The following ROBO2 variants were observed in gnomAD, a reference collection of about 807,000 sequenced individuals.
ROBO2 encodes roundabout guidance receptor 2.
Under a neutral mutation model 160.8 loss-of-function variants are expected in ROBO2, and 53 were observed. The ratio of observed to expected loss-of-function variants is 0.33; its 90% CI spans 0.26 to 0.41. The LOEUF (loss-of-function observed/expected upper bound fraction) is 0.41. ROBO2 is among the 10% of genes least tolerant of loss of function. The probability of loss-of-function intolerance (pLI) is 1.00; values close to 1 mark genes in which losing one functional copy is unlikely to be tolerated. For missense variants in ROBO2, 1,577 were observed against 1,722.4 expected (o/e 0.92, Z 1.49); for synonymous variants, 664 against 611.7 (o/e 1.09, Z -1.26).
chr3:76,552,989 C>A (rs139163509), intron 2 of ROBO2, among the ~76,000 whole-genome samples: 2 of 152,076 alleles, frequency 1.3e-5, no homozygotes, highest in Admixed American at 1.3e-4. Context: ...TCATTCCAGA[C>A]GCCCTGAATA....
chr3:75,923,104 T>A (rs1947137892), intron 1 of ROBO2, among the ~76,000 whole-genome samples: 1 of 152,246 alleles, frequency 6.6e-6, no homozygotes, highest in Admixed American at 6.5e-5. Context: ...AATGCTTTTT[T>A]AAGTAGTTCC....
chr3:76,998,334 A>C (rs1171675299), intron 2 of ROBO2, among the ~76,000 whole-genome samples: 2 of 152,146 alleles, frequency 1.3e-5, no homozygotes, highest in Non-Finnish European at 2.9e-5. Context: ...AGATTGTGTA[A>C]AACATTAACC....
intron 2 of ROBO2, among the ~76,000 whole-genome samples, chr3:76,961,681 TA>T (rs2079675292): frequency 6.6e-6 from 1 of 152,286 alleles, no homozygotes; most frequent in East Asian, 1.9e-4. Flanking sequence ...GTTTCTCATG[TA>T]AAAAACAGAA....
At chr3:76,782,620 C>T (rs1220215054) in intron 2 of ROBO2, among the ~76,000 whole-genome samples, 2 of 150,550 alleles carry the variant, frequency 1.3e-5, no homozygotes, top group Non-Finnish European at 3.0e-5. Context: ...TGACTTTGTT[C>T]TTTTGTAATA....
intron 2 of ROBO2, among the ~76,000 whole-genome samples, chr3:76,173,373 G>A (rs1022642618): frequency 6.6e-6 from 1 of 151,758 alleles, no homozygotes. Flanking sequence ...GAAGTTCTGG[G>A]ATACATGTGC....
At chr3:77,302,044 T>C (rs2153413463) in intron 2 of ROBO2, among the ~76,000 whole-genome samples, 1 of 152,072 alleles carries the variant, frequency 6.6e-6, no homozygotes, top group Middle Eastern at 3.4e-3. Context: ...CTGGGACTAC[T>C]GGTGTGCATC....
intron 2 of ROBO2, among the ~76,000 whole-genome samples, chr3:76,099,577 A>T (rs770606762): frequency 6.6e-6 from 1 of 151,536 alleles, no homozygotes; most frequent in Non-Finnish European, 1.5e-5. Context: ...ATATTAGGAT[A>T]CTTGAAGAAA....
At chr3:76,600,257 C>T (rs577459772) in intron 2 of ROBO2, among the ~76,000 whole-genome samples, 1 of 152,292 alleles carries the variant, frequency 6.6e-6, no homozygotes, top group South Asian at 2.1e-4. Flanking sequence ...CAATCTTCTG[C>T]ATATGGCTAG....
intron 2 of ROBO2, among the ~76,000 whole-genome samples, chr3:77,394,794 TCCA>T (rs1300898894): frequency 6.6e-6 from 1 of 152,116 alleles, no homozygotes; most frequent in African/African-American, 2.4e-5. Context: ...CTATCTTCAC[TCCA>T]CCAAATTCAC....
At chr3:77,338,401 AC>A (rs67333555) in intron 2 of ROBO2, among the ~76,000 whole-genome samples, 1,818 of 152,218 alleles carry the variant, frequency 0.012, 27 homozygotes, top group African/African-American at 0.04. Flanking sequence ...CCACGACCTT[AC>A]CTGAGAGTGG....
chr3:77,026,405 G>T (rs2062967586), intron 2 of ROBO2, among the ~76,000 whole-genome samples: 1 of 152,174 alleles, frequency 6.6e-6, no homozygotes, highest in Admixed American at 6.5e-5. Context: ...CCAGAGAACA[G>T]CTGCTAACAA....
intron 6 of ROBO2, chr3:77,538,907 C>T (rs1046642858): frequency 2.3e-5 from 11 of 478,758 alleles, no homozygotes; most frequent in Admixed American, 1.1e-4. Flanking sequence ...TTTGCAGAAA[C>T]TTTTTAATTT....
At chr3:77,337,599 T>G (rs2066619953) in intron 2 of ROBO2, among the ~76,000 whole-genome samples, 1 of 152,194 alleles carries the variant, frequency 6.6e-6, no homozygotes, top group Admixed American at 6.5e-5. Flanking sequence ...ATATTGTTAC[T>G]TTATTTTATT....
At chr3:76,726,573 C>CGAGTGG (rs2093556484) in intron 2 of ROBO2, among the ~76,000 whole-genome samples, 1 of 152,134 alleles carries the variant, frequency 6.6e-6, no homozygotes, top group Admixed American at 6.5e-5. Context: ...CTCTCCACCT[C>CGAGTGG]CACCAACTCT....
chr3:76,396,670 G>A lies in ROBO2; in HGVS notation c.109+459068G>A, dbSNP rs373517974. The stretch of plus-strand genomic sequence containing the variant: ...GTACAAAAATCACAAGCATTCTTAT[G>A]CACCAATAACAGACAAACAGAGAGC... On this transcript the variant is annotated intron_variant, in intron 2 of 26. Transcript: ENST00000487694. 1.3e-3 allele frequency among the ~76,000 whole-genome samples: 198 copies of A among 152,020 alleles called. 1 individual carries two copies. Among genetic ancestry groups the A allele is most frequent in the African/African-American group, 4.3e-3 (179 of 41,510 alleles).
intron 2 of ROBO2, among the ~76,000 whole-genome samples, chr3:77,398,719 C>A (rs1036309354): frequency 6.6e-6 from 1 of 151,944 alleles, no homozygotes; most frequent in African/African-American, 2.4e-5. Context: ...GTTGCTGGGA[C>A]TGCAGGCATA....
intron 2 of ROBO2, among the ~76,000 whole-genome samples, chr3:75,983,531 T>C (rs2065334522): frequency 6.6e-6 from 1 of 151,472 alleles, no homozygotes; most frequent in South Asian, 2.1e-4. Context: ...GAAATTAGAA[T>C]TGATTTGATG....
At chr3:76,855,856 T>G (rs941880601) in intron 2 of ROBO2, among the ~76,000 whole-genome samples, 1 of 152,190 alleles carries the variant, frequency 6.6e-6, no homozygotes. Context: ...AATAAGAATA[T>G]TTGGTATGAG....
intron 2 of ROBO2, among the ~76,000 whole-genome samples, chr3:76,969,160 T>C (rs768204283): frequency 2.1e-4 from 32 of 152,186 alleles, no homozygotes; most frequent in Non-Finnish European, 1.8e-4. Context: ...GTGGCAGAAT[T>C]CAATAAAGTG....
Sources: allele counts gnomAD v4.1 joint callset (sites outside exome capture counted in the v4.1 genomes callset), GRCh38; gene constraint gnomAD v4.1.1; transcripts MANE v1.5; gene names NCBI Gene and HGNC (gene_info 2026-07-23, HGNC 2026-07-21).